PTPRT: variants seen among roughly 807,000 people sequenced by gnomAD.
PTPRT encodes the protein protein tyrosine phosphatase receptor type T.
PTPRT carries 56 observed loss-of-function variants against 176.8 expected under a neutral mutation model. The observed-to-expected ratio is 0.32, with a 90% CI of 0.26 to 0.40. The LOEUF (loss-of-function observed/expected upper bound fraction) is 0.40, where lower values mean the gene tolerates loss of function less well. Ranked by LOEUF, PTPRT falls within the 10% of genes least tolerant of loss-of-function variation. The pLI, the probability that PTPRT is intolerant of heterozygous loss-of-function variation, is 1.00. For missense variants in PTPRT, 1,540 were observed against 1,908.2 expected (o/e 0.81, Z 3.60); for synonymous variants, 783 against 739.0 (o/e 1.06, Z -0.96).
intron 1 of PTPRT, among the ~76,000 whole-genome samples, chr20:42,963,582 C>T (rs751232194): frequency 3.3e-5 from 5 of 150,452 alleles, no homozygotes; most frequent in Non-Finnish European, 5.9e-5. Flanking sequence ...AATATAAATG[C>T]TATAAATAGT....
intron 1 of PTPRT, among the ~76,000 whole-genome samples, chr20:43,083,614 C>G (rs1029932433): frequency 6.6e-6 from 1 of 151,804 alleles, no homozygotes; most frequent in African/African-American, 2.4e-5. Context: ...CCACCTTGGC[C>G]TCCCAAAGTG....
chr20:42,849,051 C>T (rs1410350149), intron 2 of PTPRT, among the ~76,000 whole-genome samples: 2 of 152,168 alleles, frequency 1.3e-5, no homozygotes, highest in Non-Finnish European at 2.9e-5. Flanking sequence ...GTTATCCCAG[C>T]ACCATTTGTT....
intron 7 of PTPRT, among the ~76,000 whole-genome samples, chr20:42,624,196 A>C (rs939322748): frequency 2.0e-5 from 3 of 152,276 alleles, no homozygotes; most frequent in Non-Finnish European, 2.9e-5. Context: ...AAGGGAAACA[A>C]GGCATTATTT....
intron 13 of PTPRT, among the ~76,000 whole-genome samples, chr20:42,274,743 T>G (rs2057000473): frequency 6.6e-6 from 1 of 152,130 alleles, no homozygotes; most frequent in Admixed American, 6.5e-5. Flanking sequence ...TAACTAATTT[T>G]TTGGTTTATT....
At chr20:42,257,836 G>A (rs1321786493) in intron 13 of PTPRT, among the ~76,000 whole-genome samples, 1 of 151,746 alleles carries the variant, frequency 6.6e-6, no homozygotes, top group Non-Finnish European at 1.5e-5. Context: ...ACCCAGTCCT[G>A]GGTATTTATA....
intron 25 of PTPRT, among the ~76,000 whole-genome samples, chr20:42,103,387 G>T (rs978786088): frequency 2.0e-5 from 3 of 152,232 alleles, no homozygotes; most frequent in African/African-American, 7.2e-5. Context: ...CCAGGTCCGA[G>T]ATTCTGCATT....
intron 1 of PTPRT, among the ~76,000 whole-genome samples, chr20:42,924,471 C>T: frequency 6.6e-6 from 1 of 152,168 alleles, no homozygotes; most frequent in Non-Finnish European, 1.5e-5. Context: ...ACCTGATGTC[C>T]AACAGTACTC....
chr20:42,061,126 A>G, the PTPRT span, among the ~76,000 whole-genome samples: 1 of 152,208 alleles, frequency 6.6e-6, no homozygotes, highest in African/African-American at 2.4e-5. Flanking sequence ...AAACCTTCAC[A>G]TCTCAGTGGC....
At chr20:42,765,585 T>G (rs966106896) in intron 5 of PTPRT, among the ~76,000 whole-genome samples, 2 of 152,090 alleles carry the variant, frequency 1.3e-5, no homozygotes, top group African/African-American at 4.8e-5. Flanking sequence ...CAGAAAAGAA[T>G]AGCGATGAAA....
chr20:42,133,140 C>A, intron 18 of PTPRT, among the ~76,000 whole-genome samples: 1 of 152,144 alleles, frequency 6.6e-6, no homozygotes, highest in Non-Finnish European at 1.5e-5. Flanking sequence ...ATAAAATGTA[C>A]TTTGTATTAG....
chr20:42,970,227 T>C (rs1441999969), intron 1 of PTPRT, among the ~76,000 whole-genome samples: 1 of 152,196 alleles, frequency 6.6e-6, no homozygotes, highest in African/African-American at 2.4e-5. Flanking sequence ...GGATCATAAT[T>C]ACAATGCTTT....
chr20:42,834,022 C>G lies in PTPRT; in HGVS notation c.215-42556G>C, dbSNP rs941143243. ...GTAAAAAACTGATGTTAGACTTCATCGAAATTAAAATATTTTGCTCTGTAA... is the reference window on the plus strand; with the variant it reads ...GTAAAAAACTGATGTTAGACTTCATGGAAATTAAAATATTTTGCTCTGTAA... On this transcript the variant is annotated intron_variant, in intron 2 of 30. Transcript: ENST00000373187. 2.6e-5 allele frequency among the ~76,000 whole-genome samples: 4 copies of G among 151,638 alleles called. No individual in the cohort carries two copies. In the East Asian group the frequency reaches 7.8e-4, roughly 29 times the overall value.
chr20:42,478,228 C>T (rs773720555), intron 7 of PTPRT, among the ~76,000 whole-genome samples: 1 of 152,124 alleles, frequency 6.6e-6, no homozygotes, highest in East Asian at 1.9e-4. Flanking sequence ...GGGGAAGGGG[C>T]CACGGGCTGA....
At chr20:42,853,175 T>C (rs2078505285) in intron 2 of PTPRT, among the ~76,000 whole-genome samples, 1 of 152,186 alleles carries the variant, frequency 6.6e-6, no homozygotes, top group Non-Finnish European at 1.5e-5. Context: ...TTTGGTCTCA[T>C]TCAGGAATCA....
At chr20:42,415,925 G>T (rs966934008) in intron 9 of PTPRT, among the ~76,000 whole-genome samples, 1 of 152,120 alleles carries the variant, frequency 6.6e-6, no homozygotes, top group Non-Finnish European at 1.5e-5. Flanking sequence ...GAGTAAAGAG[G>T]TTAGAATGCA....
intron 7 of PTPRT, among the ~76,000 whole-genome samples, chr20:42,570,161 G>A (rs2073129624): frequency 6.6e-6 from 1 of 152,130 alleles, no homozygotes; most frequent in Non-Finnish European, 1.5e-5. Context: ...TGTCGTCAGT[G>A]TCTGGGGCAT....
At chr20:42,883,685 A>ACACCCACACCCCCATACACATG (rs2079041679) in intron 2 of PTPRT, among the ~76,000 whole-genome samples, 1 of 147,464 alleles carries the variant, frequency 6.8e-6, no homozygotes, top group African/African-American at 2.5e-5. Flanking sequence ...ACACGGACAC[A>ACACCCACACCCCCATACACATG]CACACACACC....
intron 14 of PTPRT, among the ~76,000 whole-genome samples, chr20:42,241,560 G>T (rs2056354387): frequency 6.6e-6 from 1 of 152,068 alleles, no homozygotes; most frequent in Admixed American, 6.5e-5. Flanking sequence ...TCACTGACTG[G>T]CCAACACAAG....
chr20:42,689,302 C>T (rs1185045720), intron 6 of PTPRT, among the ~76,000 whole-genome samples: 2 of 152,144 alleles, frequency 1.3e-5, no homozygotes, highest in Non-Finnish European at 2.9e-5. Context: ...GATGTCTGGA[C>T]GCTGAGGGGG....
Sources: gnomAD v4.1 joint callset for allele counts (sites outside exome capture counted in the v4.1 genomes callset) on GRCh38, gnomAD v4.1.1 for gene constraint, MANE v1.5 for transcripts, NCBI Gene and HGNC (gene_info 2026-07-23, HGNC 2026-07-21) for gene names.